GPAM: variants seen among roughly 807,000 people sequenced by gnomAD.
GPAM encodes glycerol-3-phosphate acyltransferase, mitochondrial.
Under a neutral mutation model 105.0 loss-of-function variants are expected in GPAM, and 56 were observed. The ratio of observed to expected loss-of-function variants is 0.53; its 90% confidence interval spans 0.43 to 0.67. The LOEUF (loss-of-function observed/expected upper bound fraction) is 0.67, where lower values mean the gene tolerates loss of function less well. GPAM is among the 30% of genes least tolerant of loss of function. GPAM has a pLI of 0.00. For missense variants in GPAM, 855 were observed against 989.8 expected (o/e 0.86, Z 1.83); for synonymous variants, 368 against 354.4 (o/e 1.04, Z -0.43).
At chr10:112,168,669 T>G in intron 10 of GPAM, 145 bp from the exon 11 acceptor site, 1 of 720,446 alleles carries the variant, frequency 1.4e-6, no homozygotes, top group East Asian at 2.7e-5. Context: ...ATAAAACAGC[T>G]CCTCCAATGC....
chr10:112,214,743 C>T (rs191317822), intron 1 of GPAM, among the ~76,000 whole-genome samples: 2 of 152,322 alleles, frequency 1.3e-5, no homozygotes, highest in East Asian at 3.9e-4. Context: ...CCTTTGAAGG[C>T]CATGTGCCGT....
At chr10:112,202,290 TAGTG>T (rs1847807256) in intron 1 of GPAM, among the ~76,000 whole-genome samples, 2 of 152,178 alleles carry the variant, frequency 1.3e-5, no homozygotes, top group Non-Finnish European at 2.9e-5. Context: ...ATCAAACAGA[TAGTG>T]AGCAGTATTT....
chr10:112,165,888 A>G (rs1280360182), intron 12 of GPAM, among the ~76,000 whole-genome samples: 1 of 152,182 alleles, frequency 6.6e-6, no homozygotes, highest in Non-Finnish European at 1.5e-5. Flanking sequence ...GTTAATTGAT[A>G]TATAATACTT....
At position 112,180,560 on chromosome 10, in the gene GPAM, A is replaced by T. The variant is rs777643311; in HGVS notation, c.138T>A (p.Ser46=). ...GGCTTTCTTTCCATTTTAAAGTTGC[A>T]GATCTGAAGATGGTGGGTCTAAAGC... ...ECGFRPTIFR[S]ATLKWKESLM... Residue 46 remains serine (S), a synonymous_variant, in exon 4 of 22, where the codon TCT becomes TCA. Transcript: ENST00000348367. The T allele has an allele frequency of 6.2e-7, 1 of 1,611,598 alleles. No individual in the cohort carries two copies. The highest frequency in any genetic ancestry group is 1.1e-5 in the South Asian group (1 of 91,028).
chr10:112,172,039 A>G, intron 9 of GPAM, 143 bp downstream of exon 9: 1 of 659,816 alleles, frequency 1.5e-6, no homozygotes. Flanking sequence ...AATTTTACAC[A>G]ATAACTATGT....
At chr10:112,207,342 G>A (rs1847863425) in intron 1 of GPAM, among the ~76,000 whole-genome samples, 1 of 152,148 alleles carries the variant, frequency 6.6e-6, no homozygotes, top group African/African-American at 2.4e-5. Context: ...CCAAACCCAG[G>A]GAGATAAAGA....
Position 112,150,905 on chromosome 10 carries a change from C to A in GPAM, c.*2645G>T, listed in dbSNP as rs1846904248. 1.0e-6 allele frequency: 1 copy of A among 985,336 alleles called. No individual in the cohort carries two copies. 61.0% of individuals were successfully genotyped at this position (985,336 alleles called of 1,614,324 possible). A position where few individuals can be genotyped will look rare whatever the true frequency, so the allele number is the denominator to read the frequency against. ...CATTGTAATCCCAGAAATATTTTCT[C>A]CATTTACCCTCATGACTTTGTGAAA... On this transcript the variant is annotated 3_prime_UTR_variant, in exon 22 of 22. Coordinates refer to ENST00000348367, the MANE Select transcript of GPAM (RefSeq NM_001244949.2).
At chr10:112,225,500 C>G in the GPAM span, among the ~76,000 whole-genome samples, 1 of 152,186 alleles carries the variant, frequency 6.6e-6, no homozygotes, top group Admixed American at 6.5e-5. Context: ...GTCAGCCAGC[C>G]TGATTCCACT....
chr10:112,225,835 T>C, the GPAM span, among the ~76,000 whole-genome samples: 1 of 152,204 alleles, frequency 6.6e-6, no homozygotes, highest in East Asian at 1.9e-4. Flanking sequence ...AAGCATGTTT[T>C]GTTTTGCTCG....
chr10:112,173,943 T>C (rs917743753), intron 6 of GPAM, 98 bp from the exon 7 acceptor site: 29 of 967,538 alleles, frequency 3.0e-5, no homozygotes, highest in Non-Finnish European at 4.5e-5. Context: ...CAAAACAAAA[T>C]GTATGTTCTC....
chr10:112,192,984 T>G (rs1388409848), intron 1 of GPAM, among the ~76,000 whole-genome samples: 2 of 152,212 alleles, frequency 1.3e-5, no homozygotes, highest in Non-Finnish European at 2.9e-5. Context: ...CTACCCTTTA[T>G]TGAGCAATTT....
intron 15 of GPAM, 95 bp downstream of exon 15, chr10:112,161,572 T>C: frequency 2.1e-6 from 2 of 936,444 alleles, no homozygotes; most frequent in Middle Eastern, 2.2e-4. Flanking sequence ...GTACTAGCCA[T>C]GAGTGGGCCA....
intron 1 of GPAM, among the ~76,000 whole-genome samples, chr10:112,202,500 T>A (rs1027605817): frequency 6.6e-6 from 1 of 152,222 alleles, no homozygotes; most frequent in African/African-American, 2.4e-5. Context: ...AATAGGAAAT[T>A]GAGTTCTAAT....
intron 9 of GPAM, among the ~76,000 whole-genome samples, chr10:112,170,241 T>G (rs528053894): frequency 6.6e-6 from 1 of 152,274 alleles, no homozygotes; most frequent in East Asian, 1.9e-4. Context: ...TTGCCAAAGC[T>G]TAGTATCACT....
chr10:112,161,639 T>C (rs1388208080), intron 15 of GPAM, 28 bp downstream of exon 15: 1 of 1,583,022 alleles, frequency 6.3e-7, no homozygotes, highest in East Asian at 2.2e-5. Context: ...TGCTTCCTAC[T>C]TAACTGCAGG....
intron 10 of GPAM, 148 bp from the exon 11 acceptor site, chr10:112,168,672 T>C (rs1847260963): frequency 1.4e-6 from 1 of 721,078 alleles, no homozygotes; most frequent in Non-Finnish European, 2.5e-6. Context: ...AAACAGCTCC[T>C]CCAATGCTAT....
At chr10:112,181,186 A>C (rs1157210575) in intron 3 of GPAM, among the ~76,000 whole-genome samples, 3 of 143,740 alleles carry the variant, frequency 2.1e-5, no homozygotes, top group Admixed American at 6.9e-5. Flanking sequence ...AAAATTAAGC[A>C]AAAAAAAAAA....
upstream of GPAM, among the ~76,000 whole-genome samples, chr10:112,219,222 A>C (rs2133314643): frequency 6.6e-6 from 1 of 152,312 alleles, no homozygotes; most frequent in Middle Eastern, 3.4e-3. Flanking sequence ...GCAGAGCAGC[A>C]CCAGAAAAGG....
In GPAM at chr10:112,150,914, C is replaced by T; in HGVS notation, c.*2636G>A. The T allele has an allele frequency of 1.7e-5, 17 of 985,306 alleles. No individual in the cohort carries two copies. The highest frequency in any genetic ancestry group is 1.9e-5 in the Non-Finnish European group (16 of 829,740). The allele number at this position is 985,306 out of a possible 1,614,324, so 61.0% of individuals were successfully genotyped here. A position where few individuals can be genotyped will look rare whatever the true frequency, so the allele number is the denominator to read the frequency against. On this transcript the variant is annotated 3_prime_UTR_variant, in exon 22 of 22. Coordinates refer to ENST00000348367, the MANE Select transcript of GPAM (RefSeq NM_001244949.2). ...CCCAGAAATATTTTCTCCATTTACCCTCATGACTTTGTGAAATTTAACAGA... is the reference window on the plus strand; with the variant it reads ...CCCAGAAATATTTTCTCCATTTACCTTCATGACTTTGTGAAATTTAACAGA...
Sources: allele counts gnomAD v4.1 joint callset (sites outside exome capture counted in the v4.1 genomes callset), GRCh38; gene constraint gnomAD v4.1.1; transcripts MANE v1.5; gene names NCBI Gene and HGNC (gene_info 2026-07-23, HGNC 2026-07-21).